The following SLC25A46 variants were observed in gnomAD, a reference collection of about 807,000 sequenced individuals.
The protein encoded by SLC25A46 is mitochondrial outer membrane protein SLC25A46.
Under a neutral mutation model 44.6 loss-of-function variants are expected in SLC25A46, and 39 were observed. The observed-to-expected ratio is 0.87, with a 90% CI of 0.68 to 1.14. The LOEUF is 1.14. Ranked by LOEUF, SLC25A46 falls within the 50% of genes most tolerant of loss-of-function variation. The pLI, the probability that SLC25A46 is intolerant of heterozygous loss-of-function variation, is 0.00. For synonymous variants in SLC25A46, 202 were observed against 185.8 expected, an observed-to-expected ratio of 1.09 and a Z score of -0.71; for missense variants, 547 against 522.7, an observed-to-expected ratio of 1.05 and a Z score of -0.45.
intron 5 of SLC25A46, among the ~76,000 whole-genome samples, chr5:110,751,358 C>T (rs1383220831): frequency 6.6e-6 from 1 of 152,110 alleles, no homozygotes; most frequent in Non-Finnish European, 1.5e-5. Flanking sequence ...AACAGTGTCC[C>T]TAGTAACATG....
intron 5 of SLC25A46, among the ~76,000 whole-genome samples, chr5:110,750,962 T>C (rs1799954873): frequency 6.6e-6 from 1 of 152,150 alleles, no homozygotes; most frequent in African/African-American, 2.4e-5. Context: ...TTTATAAAAT[T>C]TTATCATCTA....
intron 4 of SLC25A46, 57 bp from the exon 5 acceptor site, chr5:110,748,106 C>CTT: frequency 8.3e-7 from 1 of 1,205,418 alleles, no homozygotes; most frequent in Non-Finnish European, 1.2e-6. Flanking sequence ...TTATTAAGAT[C>CTT]TTTTGTGTTT....
chr5:110,761,651 A>G lies in SLC25A46; in HGVS notation c.1126A>G (p.Ile376Val), dbSNP rs760973843. Residue 376 changes from isoleucine to valine, a missense_variant, in exon 8 of 8, where the codon ATA (isoleucine) becomes GTA (valine). By Grantham distance (29) the Ile-to-Val change is conservative (BLOSUM62 3). Transcript: ENST00000355943. The surrounding 1 kb of genome is among the most constrained non-coding windows in gnomAD (Gnocchi z 5.3). ...GGGAATGAGAGACTGTATCAATACC[A>G]TAAGGCAGGAGGAAGGAGTGTTTGG... ...YEGMRDCINT[I>V]RQEEGVFGFY... 9 of 1,613,556 alleles carry G rather than the reference A, an allele frequency of 5.6e-6. No homozygotes were observed. The highest frequency in any genetic ancestry group is 6.8e-6 in the Non-Finnish European group (8 of 1,179,742).
intron 1 of SLC25A46, among the ~76,000 whole-genome samples, chr5:110,740,561 A>G (rs1799640577): frequency 6.6e-6 from 1 of 152,202 alleles, no homozygotes; most frequent in East Asian, 1.9e-4. Flanking sequence ...ATAGACACCT[A>G]AGAGACTTAC....
At chr5:110,753,209 C>T (rs112284294) in intron 5 of SLC25A46, 4 of 151,118 alleles carry the variant, frequency 2.6e-5, no homozygotes, top group African/African-American at 4.9e-5. Context: ...AAAGTACAGA[C>T]GTGGAAACAG....
chr5:110,744,067 G>C lies in SLC25A46; in HGVS notation c.384+280G>C, dbSNP rs73230120. Among the ~76,000 whole-genome samples the C allele has an allele frequency of 0.042, 6,447 of 152,216 alleles. 445 individuals carry two copies. Among genetic ancestry groups the C allele is most frequent in the African/African-American group, 0.15 (6,102 of 41,536 alleles). ...TTCATTAAAATAATAACACCTGTTA[G>C]TAAGATAATATGTTTTTATGAAAGT... On this transcript the variant is annotated intron_variant, in intron 3 of 7. Coordinates refer to ENST00000355943, the MANE Select transcript of SLC25A46 (RefSeq NM_138773.4).
Position 110,742,084 on chromosome 5 carries a change from T to G in SLC25A46, c.321T>G (p.Leu107=). 1 of 1,570,512 alleles carries G rather than the reference T, an allele frequency of 6.4e-7. No individual in the cohort carries two copies. The highest frequency in any genetic ancestry group is 1.4e-5 in the African/African-American group (1 of 72,848). The part of the protein sequence containing the change: ...LNRFAGFGIG[L]ASLFTENVLA... The stretch of plus-strand genomic sequence containing the variant: ...GATTTGCTGGATTTGGTATTGGACT[T>G]GCAAGGTAATGTTTTATCTAAAGAC... The change falls in exon 2 of 8, where the codon CTT becomes CTG. Residue 107 remains leucine, a synonymous_variant. Transcript: ENST00000355943.
At chr5:110,756,592 A>G (rs1800119017) in intron 6 of SLC25A46, 110 bp from the exon 7 acceptor site, 6 of 671,632 alleles carry the variant, frequency 8.9e-6, no homozygotes, top group Non-Finnish European at 4.9e-6. Context: ...CCTTAAAAAG[A>G]TTATTCTAGC....
At position 110,746,256 on chromosome 5, in the gene SLC25A46, A is replaced by G. The variant is rs1190448263; in HGVS notation, c.385-13A>G. Reference sequence around the variant, plus strand: ...CATTAACAGAAAAAAATAATGAAATATCTTTTTTACAGGTTAATTACCATG... The same window carrying G: ...CATTAACAGAAAAAAATAATGAAATGTCTTTTTTACAGGTTAATTACCATG... On this transcript the variant is annotated splice_polypyrimidine_tract_variant and intron_variant, in intron 3 of 7. Coordinates refer to ENST00000355943, the MANE Select transcript of SLC25A46 (RefSeq NM_138773.4). 1.9e-6 allele frequency: 3 copies of G among 1,545,092 alleles called. No homozygotes were observed. The highest frequency in any genetic ancestry group is 4.1e-5 in the Admixed American group (2 of 48,510).
intron 5 of SLC25A46, among the ~76,000 whole-genome samples, chr5:110,749,709 T>G (rs1799912731): frequency 6.6e-6 from 1 of 151,988 alleles, no homozygotes; most frequent in African/African-American, 2.4e-5. Context: ...TGAAGCAGGA[T>G]ACAGGGTTAT....
In SLC25A46 at chr5:110,739,304, C is replaced by T; in HGVS notation, c.185C>T (p.Pro62Leu). The T allele has an allele frequency of 6.4e-7, 1 of 1,570,904 alleles. No homozygotes were observed. The highest frequency in any genetic ancestry group is 1.2e-5 in the South Asian group (1 of 85,616). The change falls in exon 1 of 8, where the codon CCG (proline) becomes CTG (leucine). Residue 62 changes from proline to leucine, a missense_variant. Coordinates refer to ENST00000355943, the MANE Select transcript of SLC25A46 (RefSeq NM_138773.4). ...SRNLHWGEKS[P>L]PYGVPTTSTP... ...AACCTGCACTGGGGCGAGAAGAGCC[C>T]GCCCTACGGCGTGCCCACCACCTCC...
chr5:110,745,948 C>A (rs189356477), intron 3 of SLC25A46: 263 of 177,620 alleles, frequency 1.5e-3, no homozygotes, highest in African/African-American at 5.8e-3. Flanking sequence ...AAAATGCTTG[C>A]CTAAAATGAA....
At chr5:110,752,812 C>G (rs1800000451) in intron 5 of SLC25A46, among the ~76,000 whole-genome samples, 1 of 152,074 alleles carries the variant, frequency 6.6e-6, no homozygotes, top group African/African-American at 2.4e-5. Context: ...ATAAAGAATT[C>G]TTAACTGAAG....
At position 110,761,781 on chromosome 5, in the gene SLC25A46, G is replaced by C. The variant is rs1365339601; in HGVS notation, c.1256G>C (p.Ter419SerextTer8). Residue 419 changes from the stop codon to serine (S), a stop_lost, in exon 8 of 8, where the codon TGA (stop) becomes TCA (serine). Transcript: ENST00000355943. This position sits in a 1 kb window ranked among gnomAD's most constrained non-coding sequence, Gnocchi z 5.3. ...IYSTLLQNNI[*>S] ...TCTACACTTCTTCAAAATAACATTT[G>C]AGATTTAGGTTCCTTCACTGAGTAG... 6 of 1,603,764 alleles carry C rather than the reference G, an allele frequency of 3.7e-6. No individual in the cohort carries two copies. The highest frequency in any genetic ancestry group is 5.1e-6 in the Non-Finnish European group (6 of 1,175,688).
intron 5 of SLC25A46, among the ~76,000 whole-genome samples, chr5:110,749,460 C>T (rs939974560): frequency 7.2e-4 from 106 of 148,046 alleles, no homozygotes; most frequent in African/African-American, 2.5e-3. Context: ...TAAAATGGAC[C>T]AAGGACAGAA....
chr5:110,758,346 G>A (rs537646029), intron 7 of SLC25A46, among the ~76,000 whole-genome samples: 5 of 152,004 alleles, frequency 3.3e-5, no homozygotes, highest in Admixed American at 1.3e-4. Flanking sequence ...AATCTCATCT[G>A]TCCCTCTAAA....
At position 110,761,139 on chromosome 5, in the gene SLC25A46, A is replaced by G. The variant is rs1800237527; in HGVS notation, c.679-65A>G. The G allele has an allele frequency of 8.1e-7, 1 of 1,230,740 alleles. No homozygotes were observed. Among genetic ancestry groups the G allele is most frequent in the Non-Finnish European group, 1.1e-6 (1 of 870,566 alleles). 76.2% of individuals were successfully genotyped at this position (1,230,740 alleles called of 1,614,324 possible). On this transcript the variant is annotated intron_variant, in intron 7 of 7. Transcript: ENST00000355943. This position sits in a 1 kb window ranked among gnomAD's most constrained non-coding sequence, Gnocchi z 5.3. ...TAGGATTTAAAAGGAACCTAAAAAG[A>G]GTCCTTTTTCTGTGGCAAAATAAGC...
chr5:110,754,735 T>G (rs920531883), intron 5 of SLC25A46: 3 of 152,088 alleles, frequency 2.0e-5, no homozygotes, highest in Admixed American at 2.0e-4. Flanking sequence ...TCTGCTTATC[T>G]CACAAGGTTC....
At chr5:110,740,332 T>C (rs1799627867) in intron 1 of SLC25A46, among the ~76,000 whole-genome samples, 1 of 152,150 alleles carries the variant, frequency 6.6e-6, no homozygotes. Flanking sequence ...TACAATAATA[T>C]TTAACTAAGA....
Sources: allele counts gnomAD v4.1 joint callset (sites outside exome capture counted in the v4.1 genomes callset), GRCh38; gene constraint gnomAD v4.1.1; non-coding constraint Gnocchi (gnomAD v3.1); transcripts MANE v1.5; gene names NCBI Gene and HGNC (gene_info 2026-07-23, HGNC 2026-07-21).